The following CDH22 variants were observed in gnomAD, a reference collection of about 807,000 sequenced individuals.
CDH22 encodes the protein cadherin-22.
Under a neutral mutation model 58.4 loss-of-function variants are expected in CDH22, and 30 were observed. The ratio of observed to expected loss-of-function variants is 0.51; its 90% CI spans 0.38 to 0.70. CDH22 has a LOEUF of 0.70. CDH22 is among the 30% of genes least tolerant of loss of function. The pLI, the probability that CDH22 is intolerant of heterozygous loss-of-function variation, is 0.00. For missense variants in CDH22, 1,014 were observed against 1,233.9 expected (o/e 0.82, Z 2.67); for synonymous variants, 513 against 558.2 (o/e 0.92, Z 1.14).
At chr20:46,237,352 G>A (rs1049379143) in intron 3 of CDH22, among the ~76,000 whole-genome samples, 3 of 152,182 alleles carry the variant, frequency 2.0e-5, no homozygotes, top group Non-Finnish European at 4.4e-5. Flanking sequence ...TAAGCTGTGA[G>A]TGGTTTAATT....
At chr20:46,245,794 T>C (rs995999316) in intron 2 of CDH22, among the ~76,000 whole-genome samples, 5 of 152,212 alleles carry the variant, frequency 3.3e-5, no homozygotes, top group African/African-American at 7.2e-5. Flanking sequence ...GGCACAGTTC[T>C]AGACCTTTTA....
rs575934586 is a variant in CDH22, at chr20:46,200,386, T to C, written c.1287-827A>G. On this transcript the variant is annotated intron_variant, in intron 7 of 11. Coordinates refer to ENST00000537909, the MANE Select transcript of CDH22 (RefSeq NM_021248.3). ...ATCTCCTGGGCTCAAGCCATCCTCCTGACTCACTGAGCCTCCCGAGTAGCT... is the reference window on the plus strand; with the variant it reads ...ATCTCCTGGGCTCAAGCCATCCTCCCGACTCACTGAGCCTCCCGAGTAGCT... Among the ~76,000 whole-genome samples the C allele has an allele frequency of 1.5e-4, 22 of 148,992 alleles. No homozygotes were observed. In the South Asian group the frequency reaches 4.5e-3, roughly 31 times the overall value.
chr20:46,185,015 G>A (rs561325219), intron 10 of CDH22, among the ~76,000 whole-genome samples: 1 of 152,108 alleles, frequency 6.6e-6, no homozygotes, highest in Non-Finnish European at 1.5e-5. Context: ...GACCCTGGGA[G>A]GCAGAGGTTG....
At chr20:46,189,000 T>C (rs142914386) in intron 8 of CDH22, among the ~76,000 whole-genome samples, 4 of 152,082 alleles carry the variant, frequency 2.6e-5, no homozygotes, top group African/African-American at 9.6e-5. Context: ...GTGGGACTGG[T>C]CGGCTGCCTC....
intron 8 of CDH22, among the ~76,000 whole-genome samples, chr20:46,192,874 A>G (rs955945996): frequency 6.6e-6 from 1 of 152,016 alleles, no homozygotes; most frequent in Middle Eastern, 3.2e-3. Flanking sequence ...GTGTCAGGGT[A>G]GACAGAAGCG....
chr20:46,270,999 G>C (rs1600722898), intron 1 of CDH22, among the ~76,000 whole-genome samples: 1 of 152,218 alleles, frequency 6.6e-6, no homozygotes, highest in Non-Finnish European at 1.5e-5. Context: ...GAATATAAAA[G>C]TAATCCTCTG....
At chr20:46,269,618 G>A (rs1024440823) in intron 1 of CDH22, among the ~76,000 whole-genome samples, 1 of 152,172 alleles carries the variant, frequency 6.6e-6, no homozygotes, top group Non-Finnish European at 1.5e-5. Context: ...CCGAACCAGG[G>A]GCTCCCCACA....
chr20:46,302,212 C>A (rs1306101096), intron 1 of CDH22, among the ~76,000 whole-genome samples: 1 of 152,196 alleles, frequency 6.6e-6, no homozygotes, highest in Non-Finnish European at 1.5e-5. Flanking sequence ...AAGATCTTCT[C>A]ATACAGGGCT....
chr20:46,243,215 C>T (rs1326991455), intron 2 of CDH22, among the ~76,000 whole-genome samples: 2 of 152,190 alleles, frequency 1.3e-5, no homozygotes, highest in Non-Finnish European at 2.9e-5. Context: ...TCCCCTGCCA[C>T]GCAGGAGGAG....
intron 10 of CDH22, among the ~76,000 whole-genome samples, chr20:46,178,409 A>G (rs1202096176): frequency 6.6e-6 from 1 of 151,814 alleles, no homozygotes; most frequent in East Asian, 1.9e-4. Flanking sequence ...TCTGTCCCCC[A>G]AAGTCTACCC....
At chr20:46,276,065 CTG>C (rs2086515795) in intron 1 of CDH22, among the ~76,000 whole-genome samples, 1 of 152,116 alleles carries the variant, frequency 6.6e-6, no homozygotes, top group Non-Finnish European at 1.5e-5. Flanking sequence ...GAAATATGAA[CTG>C]TGATGGGGGC....
At chr20:46,203,311 C>G (rs1419377487) in intron 7 of CDH22, among the ~76,000 whole-genome samples, 1 of 92,870 alleles carries the variant, frequency 1.1e-5, no homozygotes, top group Non-Finnish European at 2.0e-5. Flanking sequence ...GGACTGTGGC[C>G]TGGCAAACTT....
intron 1 of CDH22, among the ~76,000 whole-genome samples, chr20:46,298,640 G>GTGGA (rs568970672): frequency 3.9e-5 from 6 of 151,952 alleles, no homozygotes; most frequent in African/African-American, 4.8e-5. Context: ...TGATGAATGG[G>GTGGA]TGGATGGATG....
intron 4 of CDH22, among the ~76,000 whole-genome samples, chr20:46,222,316 G>C (rs1340810705): frequency 6.6e-6 from 1 of 152,198 alleles, no homozygotes; most frequent in Non-Finnish European, 1.5e-5. Context: ...TTGACTGGCT[G>C]ACTCCCAGTG....
chr20:46,304,406 C>T (rs2086665587), intron 1 of CDH22, among the ~76,000 whole-genome samples: 1 of 152,246 alleles, frequency 6.6e-6, no homozygotes, highest in Non-Finnish European at 1.5e-5. Flanking sequence ...ACAGGTATTA[C>T]ATTTTCCTCC....
At chr20:46,296,810 A>C (rs2086631030) in intron 1 of CDH22, among the ~76,000 whole-genome samples, 1 of 152,180 alleles carries the variant, frequency 6.6e-6, no homozygotes, top group Non-Finnish European at 1.5e-5. Flanking sequence ...GCAATTTCCC[A>C]AAGCATTTTC....
At chr20:46,274,430 T>C (rs992020237) in intron 1 of CDH22, among the ~76,000 whole-genome samples, 2 of 152,234 alleles carry the variant, frequency 1.3e-5, no homozygotes, top group African/African-American at 4.8e-5. Context: ...TAATTAATGA[T>C]ATTAATGAAA....
intron 1 of CDH22, among the ~76,000 whole-genome samples, chr20:46,269,548 A>T (rs768262886): frequency 1.3e-5 from 2 of 152,228 alleles, no homozygotes; most frequent in African/African-American, 4.8e-5. Flanking sequence ...CCATGGAGAC[A>T]AAGTGCAGAG....
At position 46,210,398 on chromosome 20, in the gene CDH22, C is replaced by G; in HGVS notation, c.1195G>C (p.Gly399Arg). 6.8e-7 allele frequency: 1 copy of G among 1,462,992 alleles called. No homozygotes were observed. The highest frequency in any genetic ancestry group is 2.8e-5 in the East Asian group (1 of 35,554). The allele number at this position is 1,462,992 out of a possible 1,614,324, so 90.6% of individuals were successfully genotyped here. Residue 399 changes from glycine to arginine, a missense_variant, in exon 7 of 12, where the codon GGC (glycine) becomes CGC (arginine). By Grantham distance (125) the Gly-to-Arg change is moderately radical (BLOSUM62 -2). This residue lies in a region of CDH22 where 806 missense variants were observed against 1,038.7 expected (regional missense o/e 0.78). Transcript: ENST00000537909. This position sits in a 1 kb window ranked among gnomAD's most constrained non-coding sequence, Gnocchi z 4.5. ...DEPPEFRPPS[G>R]LLEVQEDAQV... ...GCGTCCTCCTGCACCTCCAGGAGGC[C>G]GGAGGGCGGCCGGAACTCGGGGGGC...
Sources: allele counts gnomAD v4.1 joint callset (sites outside exome capture counted in the v4.1 genomes callset), GRCh38; gene constraint gnomAD v4.1.1; regional missense constraint gnomAD v4.1.1; non-coding constraint Gnocchi (gnomAD v3.1); transcripts MANE v1.5; gene names NCBI Gene and HGNC (gene_info 2026-07-23, HGNC 2026-07-21).